Variants in PIEZO2 observed in about 807,000 individuals in gnomAD.
PIEZO2 encodes piezo type mechanosensitive ion channel component 2.
A neutral mutation model predicts 337.3 loss-of-function variants in PIEZO2; 172 were observed. The ratio of observed to expected loss-of-function variants is 0.51; its 90% CI spans 0.45 to 0.58. The LOEUF is 0.58. Among genes scored for constraint, PIEZO2 ranks in the 20% least tolerant of loss-of-function variants. The pLI, the probability that PIEZO2 is intolerant of heterozygous loss-of-function variation, is 0.00. For synonymous variants in PIEZO2, 1,251 were observed against 1,228.5 expected (o/e 1.02, Z -0.38); for missense variants, 3,028 against 3,391.3 (o/e 0.89, Z 2.66).
intron 7 of PIEZO2, among the ~76,000 whole-genome samples, chr18:10,840,155 A>AC (rs2041146510): frequency 6.6e-6 from 1 of 152,252 alleles, no homozygotes; most frequent in Non-Finnish European, 1.5e-5. Flanking sequence ...TTTAATGTGT[A>AC]ACATGTACCA....
rs201916792 is a variant in PIEZO2 at position 10,979,197 on chromosome 18, CTTTT to C, written c.286+334_286+337del. On this transcript the variant is annotated intron_variant, in intron 3 of 55. Transcript: ENST00000674853. The surrounding 1 kb of genome is among the most constrained non-coding windows in gnomAD (Gnocchi z 4.0). The stretch of plus-strand genomic sequence containing the variant: ...CTATTCATCATGTTAGAAATTGTAC[CTTTT>C]TTTTTTTTTACTCGCTGTAATGAAA... Among the ~76,000 whole-genome samples, 1 of 142,928 alleles carries C rather than the reference CTTTT, an allele frequency of 7.0e-6. No individual in the cohort carries two copies. Among genetic ancestry groups the C allele is most frequent in the African/African-American group, 2.5e-5 (1 of 39,436 alleles). 93.8% of individuals were successfully genotyped at this position (142,928 alleles called of 152,430 possible). A position where few individuals can be genotyped will look rare whatever the true frequency, so the allele number is the denominator to read the frequency against.
rs777218750 is a variant in PIEZO2 at position 10,702,176 on chromosome 18, G to A, written c.6259-5C>T. On this transcript the variant is annotated splice_polypyrimidine_tract_variant and splice_region_variant and intron_variant, in intron 42 of 55. Coordinates refer to ENST00000674853, the MANE Select transcript of PIEZO2 (RefSeq NM_001378183.1). ...ATACTTGACTACAATTGCCACCTAC[G>A]CACAGATGACAGAAATTTTAAAACA... is the stretch of plus-strand genomic sequence containing the variant. The A allele has an allele frequency of 3.3e-6, 5 of 1,532,144 alleles. No individual in the cohort carries two copies. Among genetic ancestry groups the A allele is most frequent in the East Asian group, 2.5e-5 (1 of 40,766 alleles). 94.9% of individuals were successfully genotyped at this position (1,532,144 alleles called of 1,614,324 possible).
chr18:10,907,307 A>G (rs1176808982), intron 4 of PIEZO2, among the ~76,000 whole-genome samples: 2 of 152,066 alleles, frequency 1.3e-5, no homozygotes, highest in African/African-American at 2.4e-5. Flanking sequence ...GCTGGGTGTG[A>G]TGGCGGGTGC....
At chr18:11,100,795 C>T (rs1273285704) in intron 1 of PIEZO2, among the ~76,000 whole-genome samples, 1 of 152,140 alleles carries the variant, frequency 6.6e-6, no homozygotes, top group Non-Finnish European at 1.5e-5. Flanking sequence ...CAGGGTTTCA[C>T]CGTGTTAGCC....
intron 2 of PIEZO2, among the ~76,000 whole-genome samples, chr18:10,987,762 G>A (rs1310599452): frequency 6.6e-6 from 1 of 151,898 alleles, no homozygotes; most frequent in Admixed American, 6.6e-5. Flanking sequence ...AAGTAATATA[G>A]GGAATTGGAG....
rs199792053 is a variant in PIEZO2 at position 11,006,244 on chromosome 18, TCA to T, written c.161-26586_161-26585del. Among the ~76,000 whole-genome samples the T allele has an allele frequency of 8.5e-3, 1,295 of 152,372 alleles. 6 individuals carry two copies. The highest frequency in any genetic ancestry group is 0.02 in the Middle Eastern group (6 of 294). On this transcript the variant is annotated intron_variant, in intron 2 of 55. Coordinates refer to ENST00000674853, the MANE Select transcript of PIEZO2 (RefSeq NM_001378183.1). ...TTGCTTACTTTCTCAAATGTAAGTT[TCA>T]CAGGTGCAAGGATTCTGTTTGTCTT...
intron 2 of PIEZO2, among the ~76,000 whole-genome samples, chr18:11,041,175 G>A (rs540034071): frequency 6.6e-6 from 1 of 152,194 alleles, no homozygotes; most frequent in African/African-American, 2.4e-5. Context: ...TCTCATCACT[G>A]CCCAAAAGTT....
Position 10,862,513 on chromosome 18 carries a change from A to G in PIEZO2, c.493-5302T>C, listed in dbSNP as rs1465302120. Reference sequence around the variant, plus strand: ...AGTACTGGTTCCATTAAGCCGTGGCATCCACCATGATTTCCACTCAATTTT... The same window carrying G: ...AGTACTGGTTCCATTAAGCCGTGGCGTCCACCATGATTTCCACTCAATTTT... On this transcript the variant is annotated intron_variant, in intron 5 of 55. Transcript: ENST00000674853. The surrounding 1 kb of genome is among the most constrained non-coding windows in gnomAD (Gnocchi z 4.4). 6.6e-6 allele frequency among the ~76,000 whole-genome samples: 1 copy of G among 152,156 alleles called. No homozygotes were observed. Among genetic ancestry groups the G allele is most frequent in the Admixed American group, 6.5e-5 (1 of 15,274 alleles).
Position 10,759,644 on chromosome 18 carries a change from G to C in PIEZO2, c.3655+61C>G, listed in dbSNP as rs749706471. ...ACTCTTCTTCACCACTCTTCTCCCAGCCGTCCGCTCAGTAATGGCTTCTTC... is the reference window on the plus strand; with the variant it reads ...ACTCTTCTTCACCACTCTTCTCCCACCCGTCCGCTCAGTAATGGCTTCTTC... On this transcript the variant is annotated intron_variant, in intron 25 of 55. Transcript: ENST00000674853. This position sits in a 1 kb window ranked among gnomAD's most constrained non-coding sequence, Gnocchi z 5.5. The C allele has an allele frequency of 1.2e-5, 18 of 1,535,452 alleles. No individual in the cohort carries two copies. The highest frequency in any genetic ancestry group is 1.6e-5 in the Non-Finnish European group (18 of 1,145,262).
At chr18:10,841,238 C>A (rs867435664) in intron 7 of PIEZO2, among the ~76,000 whole-genome samples, 2 of 150,896 alleles carry the variant, frequency 1.3e-5, no homozygotes, top group African/African-American at 4.9e-5. Flanking sequence ...AGATCTCAAT[C>A]TTTGAGGGGT....
chr18:10,972,141 C>T (rs372304690), intron 3 of PIEZO2, among the ~76,000 whole-genome samples: 1 of 148,178 alleles, frequency 6.7e-6, no homozygotes, highest in African/African-American at 2.5e-5. Context: ...AAAAATACAC[C>T]CAGCCTGGGT....
intron 2 of PIEZO2, among the ~76,000 whole-genome samples, chr18:11,025,819 ACTTG>A (rs1241660048): frequency 6.6e-6 from 1 of 152,304 alleles, no homozygotes; most frequent in East Asian, 1.9e-4. Flanking sequence ...CTGGGGAAGA[ACTTG>A]CTTGCCCTGA....
At chr18:10,674,606 T>A (rs1476598863) in intron 54 of PIEZO2, among the ~76,000 whole-genome samples, 1 of 152,250 alleles carries the variant, frequency 6.6e-6, no homozygotes, top group East Asian at 1.9e-4. Flanking sequence ...TAGTGTGTAG[T>A]GGCCCATGTT....
chr18:10,982,555 T>G lies in PIEZO2; in HGVS notation c.161-2895A>C, dbSNP rs1425321250. On this transcript the variant is annotated intron_variant, in intron 2 of 55. Coordinates refer to ENST00000674853, the MANE Select transcript of PIEZO2 (RefSeq NM_001378183.1). This position sits in a 1 kb window ranked among gnomAD's most constrained non-coding sequence, Gnocchi z 4.1. Reference sequence around the variant, plus strand: ...CCTTTGACAAGTATATTTCAAAATATGTAAGAAAAGAATGCTTTGAAGAAT... The same window carrying G: ...CCTTTGACAAGTATATTTCAAAATAGGTAAGAAAAGAATGCTTTGAAGAAT... Among the ~76,000 whole-genome samples the G allele has an allele frequency of 6.6e-6, 1 of 152,098 alleles. No individual in the cohort carries two copies. The highest frequency in any genetic ancestry group is 1.5e-5 in the Non-Finnish European group (1 of 68,016).
chr18:11,066,321 G>C, intron 1 of PIEZO2, 99 bp from the exon 2 acceptor site: 1 of 815,306 alleles, frequency 1.2e-6, no homozygotes, highest in Non-Finnish European at 2.0e-6. Context: ...GATGTCACTG[G>C]ATCAAACAGT....
At chr18:10,972,396 C>T (rs2034277969) in intron 3 of PIEZO2, among the ~76,000 whole-genome samples, 1 of 151,976 alleles carries the variant, frequency 6.6e-6, no homozygotes. Flanking sequence ...CAGGTAGGTG[C>T]CGGAATGAGA....
At position 10,759,221 on chromosome 18, in the gene PIEZO2, GTGTGTGTT is replaced by G. The variant is rs58779724; in HGVS notation, c.3757+253_3757+260del. On this transcript the variant is annotated intron_variant, in intron 26 of 55. Coordinates refer to ENST00000674853, the MANE Select transcript of PIEZO2 (RefSeq NM_001378183.1). This position sits in a 1 kb window ranked among gnomAD's most constrained non-coding sequence, Gnocchi z 5.5. Reference sequence around the variant, plus strand: ...TGTGTAAATGTGTGTGTGTGTGTGTGTGTGTGTTTGTGTGTGTGTGTTGGGGGAAGTGA... The same window carrying G: ...TGTGTAAATGTGTGTGTGTGTGTGTGTGTGTGTGTGTGTTGGGGGAAGTGA... 0.49 allele frequency among the ~76,000 whole-genome samples: 72,166 copies of G among 147,324 alleles called. 17,224 individuals are homozygous for G. Among genetic ancestry groups the G allele is most frequent in the East Asian group, 0.67 (3,307 of 4,960 alleles).
intron 5 of PIEZO2, among the ~76,000 whole-genome samples, chr18:10,858,128 T>C (rs1309156961): frequency 1.3e-5 from 2 of 150,986 alleles, no homozygotes; most frequent in African/African-American, 2.4e-5. Context: ...AAGACCATCC[T>C]GGCCAACATG....
chr18:10,705,345 A>G lies in PIEZO2; in HGVS notation c.5990T>C (p.Leu1997Pro). ...LTHELTASEL[L>P]LKKMFHDDEL... ...TTCACTGGACCCTTACTTTTTCAGC[A>G]GCAGCTCGCTGGCCGTCAGCTCATG... Residue 1997 changes from leucine to proline, a missense_variant, in exon 41 of 56, where the codon CTG becomes CCG. Around this residue, in one of 5 missense-constraint regions of PIEZO2, gnomAD observed 1,925 missense variants for 2,051.9 expected, o/e 0.94. Coordinates refer to ENST00000674853, the MANE Select transcript of PIEZO2 (RefSeq NM_001378183.1). The G allele has an allele frequency of 6.5e-7, 1 of 1,531,592 alleles. No individual in the cohort carries two copies. Among genetic ancestry groups the G allele is most frequent in the Non-Finnish European group, 8.7e-7 (1 of 1,143,866 alleles). The allele number at this position is 1,531,592 out of a possible 1,614,324, so 94.9% of individuals were successfully genotyped here.
Sources: allele counts gnomAD v4.1 joint callset (sites outside exome capture counted in the v4.1 genomes callset), GRCh38; gene constraint gnomAD v4.1.1; regional missense constraint gnomAD v4.1.1; non-coding constraint Gnocchi (gnomAD v3.1); transcripts MANE v1.5; gene names NCBI Gene and HGNC (gene_info 2026-07-23, HGNC 2026-07-21).